RLF: variants seen among roughly 807,000 people sequenced by gnomAD.
The protein encoded by RLF is RLF zinc finger.
In RLF, 7 loss-of-function variants were observed where a neutral mutation model predicts 162.9. That is an observed-to-expected ratio of 0.04 (90% CI 0.02 to 0.08). The LOEUF (loss-of-function observed/expected upper bound fraction) is 0.08. RLF is among the 10% of genes least tolerant of loss of function. The pLI, the probability that RLF is intolerant of heterozygous loss-of-function variation, is 1.00. For synonymous variants in RLF, 782 were observed against 791.5 expected (o/e 0.99, Z 0.20); for missense variants, 1,664 against 2,244.7 (o/e 0.74, Z 5.23).
Position 40,236,064 on chromosome 1 carries a change from G to A in RLF, c.1362G>A (p.Glu454=). ...CGGTTCCAAATTCTCTTCGATGTGA[G>A]CTCTTACTAGCTTTAAAAGCCCACT... ...NAPVPNSLRC[E]LLLALKAHWP... Residue 454 remains glutamate, a synonymous_variant, in exon 8 of 8, where the codon GAG becomes GAA. Coordinates refer to ENST00000372771, the MANE Select transcript of RLF (RefSeq NM_012421.4). This position sits in a 1 kb window ranked among gnomAD's most constrained non-coding sequence, Gnocchi z 7.7. The A allele has an allele frequency of 6.2e-7, 1 of 1,614,010 alleles. No individual in the cohort carries two copies. The highest frequency in any genetic ancestry group is 8.5e-7 in the Non-Finnish European group (1 of 1,180,002).
At chr1:40,220,126 G>A (rs565331161) in intron 5 of RLF, among the ~76,000 whole-genome samples, 121 of 152,184 alleles carry the variant, frequency 8.0e-4, no homozygotes, top group African/African-American at 2.8e-3. Context: ...TACTCGGGGG[G>A]CTGAGACAGG....
At chr1:40,172,238 G>T (rs187394040) in intron 1 of RLF, among the ~76,000 whole-genome samples, 135 of 152,218 alleles carry the variant, frequency 8.9e-4, no homozygotes, top group African/African-American at 3.0e-3. Context: ...CTTTCCTTCT[G>T]CCCTCAATCT....
rs879063597 is a variant in RLF, at chr1:40,240,528, G to A, written c.*81G>A. On this transcript the variant is annotated 3_prime_UTR_variant, in exon 8 of 8. Transcript: ENST00000372771. ...TGCCAACTCGAACAAAGGCTGAGAA[G>A]CAGCCACACCGTTGTTTAGGGTAGA... is the stretch of plus-strand genomic sequence containing the variant. 23 of 974,988 alleles carry A rather than the reference G, an allele frequency of 2.4e-5. 1 individual carries two copies. The highest frequency in any genetic ancestry group is 1.9e-4 in the Admixed American group (9 of 46,944). The allele number at this position is 974,988 out of a possible 1,614,324, so 60.4% of individuals were successfully genotyped here. A position where few individuals can be genotyped will look rare whatever the true frequency, so the allele number is the denominator to read the frequency against.
chr1:40,221,580 A>G (rs1339726082), intron 5 of RLF, among the ~76,000 whole-genome samples: 3 of 151,242 alleles, frequency 2.0e-5, no homozygotes, highest in Non-Finnish European at 4.4e-5. Context: ...GGAGGAGTTG[A>G]GCTGTTTACC....
intron 5 of RLF, among the ~76,000 whole-genome samples, chr1:40,204,583 T>G (rs1642763975): frequency 6.6e-6 from 1 of 151,962 alleles, no homozygotes; most frequent in Non-Finnish European, 1.5e-5. Context: ...ATTTATTTTT[T>G]ATTTATTTTT....
intron 5 of RLF, among the ~76,000 whole-genome samples, chr1:40,211,866 T>A (rs1374916315): frequency 1.3e-5 from 2 of 152,114 alleles, no homozygotes; most frequent in African/African-American, 4.8e-5. Flanking sequence ...GACCTCCTGT[T>A]ATCCGCCCGC....
Position 40,237,632 on chromosome 1 carries a change from A to G in RLF, c.2930A>G (p.Lys977Arg). The G allele has an allele frequency of 6.2e-7, 1 of 1,614,142 alleles. No homozygotes were observed. Among genetic ancestry groups the G allele is most frequent in the Non-Finnish European group, 8.5e-7 (1 of 1,180,006 alleles). Residue 977 changes from lysine (K) to arginine (R), a missense_variant, in exon 8 of 8, where the codon AAG becomes AGG. Physicochemically the swap from Lys to Arg is conservative, Grantham distance 26. Transcript: ENST00000372771. This position sits in a 1 kb window ranked among gnomAD's most constrained non-coding sequence, Gnocchi z 4.4. ...NARGMQKHLRKVHPYHFKPKK... is the reference protein window; with the variant it reads ...NARGMQKHLRRVHPYHFKPKK... Reference sequence around the variant, plus strand: ...AGAGGAATGCAGAAACATTTACGGAAGGTTCATCCATACCATTTCAAGCCC... The same window carrying G: ...AGAGGAATGCAGAAACATTTACGGAGGGTTCATCCATACCATTTCAAGCCC...
intron 1 of RLF, among the ~76,000 whole-genome samples, chr1:40,173,092 G>GTTTTTTTTTTTTTTTTTTTT (rs1557737643): frequency 6.9e-6 from 1 of 144,002 alleles, no homozygotes; most frequent in African/African-American, 2.7e-5. Flanking sequence ...TTTTTTTTTT[G>GTTTTTTTTTTTTTTTTTTTT]TGAGGCAGAG....
At chr1:40,178,126 T>C (rs1642352860) in intron 1 of RLF, among the ~76,000 whole-genome samples, 1 of 152,030 alleles carries the variant, frequency 6.6e-6, no homozygotes, top group African/African-American at 2.4e-5. Flanking sequence ...AATATATCTA[T>C]AGCTATGTAT....
chr1:40,163,623 C>CA (rs1290041699), intron 1 of RLF, among the ~76,000 whole-genome samples: 1 of 151,760 alleles, frequency 6.6e-6, no homozygotes, highest in African/African-American at 2.4e-5. Flanking sequence ...AAAATTTTCC[C>CA]AAAAAATGTT....
At position 40,239,100 on chromosome 1, in the gene RLF, T is replaced by C. The variant is rs745395136; in HGVS notation, c.4398T>C (p.Tyr1466=). 4 of 1,614,022 alleles carry C rather than the reference T, an allele frequency of 2.5e-6. No individual in the cohort carries two copies. In the Middle Eastern group the frequency reaches 4.9e-4, roughly 199 times the overall value. The part of the protein sequence containing the change: ...THRSNYSQHV[Y]YRHKDYYDDL... ...GCAGTAATTACTCACAACATGTATA[T>C]TACCGACATAAAGACTATTATGATG... Residue 1466 remains tyrosine (Y), a synonymous_variant, in exon 8 of 8, where the codon TAT becomes TAC. Coordinates refer to ENST00000372771, the MANE Select transcript of RLF (RefSeq NM_012421.4).
intron 2 of RLF, 146 bp from the exon 3 acceptor site, chr1:40,190,626 A>G (rs1642543591): frequency 1.9e-6 from 1 of 517,748 alleles, no homozygotes; most frequent in Non-Finnish European, 3.4e-6. Flanking sequence ...TTGAACAGTC[A>G]ATATAACAAC....
In RLF at chr1:40,177,785, G is replaced by T. The variant is rs183564912; in HGVS notation, c.238-11270G>T. 2.6e-5 allele frequency: 4 copies of T among 152,114 alleles called. No homozygotes were observed. The East Asian group carries it at 7.7e-4, about 29-fold the overall frequency. The allele number at this position is 152,114 out of a possible 1,614,324, so 9.4% of individuals were successfully genotyped here. A position where few individuals can be genotyped will look rare whatever the true frequency, so the allele number is the denominator to read the frequency against. On this transcript the variant is annotated intron_variant, in intron 1 of 7. Transcript: ENST00000372771. Reference sequence around the variant, plus strand: ...ATTTTTATATACGGTGTGAGGGATGGATGGAAAGTTCTTTAGATATAGATA... The same window carrying T: ...ATTTTTATATACGGTGTGAGGGATGTATGGAAAGTTCTTTAGATATAGATA...
intron 1 of RLF, among the ~76,000 whole-genome samples, chr1:40,164,896 G>C (rs1043671059): frequency 3.9e-5 from 6 of 152,038 alleles, no homozygotes; most frequent in African/African-American, 1.5e-4. Context: ...GCTAAAATAA[G>C]TAAGTACTCC....
intron 6 of RLF, among the ~76,000 whole-genome samples, chr1:40,226,097 G>A (rs138577722): frequency 1.3e-5 from 2 of 152,068 alleles, no homozygotes; most frequent in Non-Finnish European, 2.9e-5. Flanking sequence ...CACTCAGAAC[G>A]GTTTTTATTA....
At chr1:40,194,026 C>G (rs1182897629) in intron 3 of RLF, among the ~76,000 whole-genome samples, 4 of 152,100 alleles carry the variant, frequency 2.6e-5, no homozygotes, top group African/African-American at 9.7e-5. Context: ...CAATAATACT[C>G]AGTAGTAATA....
chr1:40,222,901 C>T (rs974317586), intron 6 of RLF, among the ~76,000 whole-genome samples, 191 bp downstream of exon 6: 1 of 152,196 alleles, frequency 6.6e-6, no homozygotes, highest in African/African-American at 2.4e-5. Context: ...AAATGTTCCT[C>T]TTGATCATCC....
At chr1:40,231,155 A>G (rs1643147437) in intron 6 of RLF, among the ~76,000 whole-genome samples, 1 of 152,202 alleles carries the variant, frequency 6.6e-6, no homozygotes, top group South Asian at 2.1e-4. Flanking sequence ...ATGGCTGATT[A>G]TTTCTGCCCA....
chr1:40,227,952 G>A (rs951616106), intron 6 of RLF, among the ~76,000 whole-genome samples: 2 of 151,896 alleles, frequency 1.3e-5, no homozygotes, highest in African/African-American at 2.4e-5. Context: ...GCAGTAAGCC[G>A]ATATCGCACC....
Sources: allele counts gnomAD v4.1 joint callset (sites outside exome capture counted in the v4.1 genomes callset), GRCh38; gene constraint gnomAD v4.1.1; non-coding constraint Gnocchi (gnomAD v3.1); transcripts MANE v1.5; gene names NCBI Gene and HGNC (gene_info 2026-07-23, HGNC 2026-07-21).